PCDH9: variants seen among roughly 807,000 people sequenced by gnomAD.
PCDH9 encodes the protein protocadherin 9.
Under a neutral mutation model 70.6 loss-of-function variants are expected in PCDH9, and 24 were observed. That is an observed-to-expected ratio of 0.34 (90% CI 0.25 to 0.48). PCDH9 has a LOEUF of 0.48. Among genes scored for constraint, PCDH9 ranks in the 20% least tolerant of loss-of-function variants. The pLI, the probability that PCDH9 is intolerant of heterozygous loss-of-function variation, is 0.99. For synonymous variants in PCDH9, 562 were observed against 558.5 expected (o/e 1.01, Z -0.09); for missense variants, 1,281 against 1,503.6 (o/e 0.85, Z 2.45).
intron 4 of PCDH9, among the ~76,000 whole-genome samples, chr13:66,472,614 G>A (rs1454250845): frequency 1.3e-5 from 2 of 152,074 alleles, no homozygotes; most frequent in Admixed American, 6.6e-5. Context: ...TAACAGTGTT[G>A]TTCTTTCGAT....
intron 2 of PCDH9, among the ~76,000 whole-genome samples, chr13:66,984,006 CAACTA>C (rs553726026): frequency 2.3e-4 from 35 of 152,058 alleles, no homozygotes; most frequent in Non-Finnish European, 3.8e-4. Flanking sequence ...TAATAAATAA[CAACTA>C]AACATACAAG....
chr13:66,371,654 T>C (rs1956655993), intron 4 of PCDH9, among the ~76,000 whole-genome samples: 1 of 152,090 alleles, frequency 6.6e-6, no homozygotes, highest in South Asian at 2.1e-4. Context: ...AATAGAGATA[T>C]AACTTAAAGA....
At chr13:66,312,455 A>G (rs1275362616) in intron 4 of PCDH9, among the ~76,000 whole-genome samples, 2 of 152,086 alleles carry the variant, frequency 1.3e-5, no homozygotes, top group Non-Finnish European at 2.9e-5. Context: ...TACAAAAAAT[A>G]CAAATATTAG....
chr13:66,898,240 T>G (rs1032186094), intron 3 of PCDH9, among the ~76,000 whole-genome samples: 1 of 152,070 alleles, frequency 6.6e-6, no homozygotes, highest in African/African-American at 2.4e-5. Context: ...TTAGGAGTTA[T>G]TCCCCAAATA....
At chr13:66,390,019 G>A (rs1205879631) in intron 4 of PCDH9, among the ~76,000 whole-genome samples, 1 of 152,136 alleles carries the variant, frequency 6.6e-6, no homozygotes, top group Non-Finnish European at 1.5e-5. Flanking sequence ...GAGAGTGAGA[G>A]ACAAAGACAG....
chr13:67,174,966 A>G (rs1209091847), intron 2 of PCDH9, among the ~76,000 whole-genome samples: 1 of 14,282 alleles, frequency 7.0e-5, no homozygotes, highest in Non-Finnish European at 2.4e-4. Context: ...TCTCTACCAA[A>G]AAAAAAAAAA....
intron 3 of PCDH9, among the ~76,000 whole-genome samples, chr13:66,655,028 A>AT (rs1017551038): frequency 3.5e-4 from 53 of 149,488 alleles, no homozygotes; most frequent in African/African-American, 8.1e-4. Flanking sequence ...ACCCTGTGGC[A>AT]TTTTTTTTTT....
chr13:66,680,249 C>G (rs1438185409), intron 3 of PCDH9, among the ~76,000 whole-genome samples: 1 of 151,934 alleles, frequency 6.6e-6, no homozygotes, highest in African/African-American at 2.4e-5. Context: ...TATTTTGATG[C>G]TGATTCAGTG....
rs557436949 is a variant in PCDH9, at chr13:66,913,930, A to T, written c.3037-10325T>A. 2.0e-5 allele frequency among the ~76,000 whole-genome samples: 3 copies of T among 152,128 alleles called. No individual in the cohort carries two copies. In the South Asian group the frequency reaches 6.2e-4, roughly 32 times the overall value. On this transcript the variant is annotated intron_variant, in intron 2 of 4. Coordinates refer to ENST00000377865, the MANE Select transcript of PCDH9 (RefSeq NM_203487.3). ...TCACAAAGAGAAAAACACCATAATC[A>T]AAGGCCTGATGTTTGTTGACTCTAC... is the stretch of plus-strand genomic sequence containing the variant.
At chr13:66,649,217 G>C (rs923206776) in intron 3 of PCDH9, among the ~76,000 whole-genome samples, 2 of 151,986 alleles carry the variant, frequency 1.3e-5, no homozygotes, top group African/African-American at 4.8e-5. Flanking sequence ...TTATATCAGA[G>C]CACCAAGTAG....
chr13:66,796,248 C>T (rs2139329702), intron 3 of PCDH9, among the ~76,000 whole-genome samples: 1 of 152,224 alleles, frequency 6.6e-6, no homozygotes, highest in Non-Finnish European at 1.5e-5. Flanking sequence ...ATTCAGCCAG[C>T]TCCATTTATA....
chr13:66,517,028 G>C (rs1959769036), intron 4 of PCDH9, among the ~76,000 whole-genome samples: 2 of 152,000 alleles, frequency 1.3e-5, no homozygotes, highest in African/African-American at 4.8e-5. Context: ...TGGCAAGATT[G>C]AGTAATTGCC....
At chr13:67,055,569 T>C (rs974209034) in intron 2 of PCDH9, among the ~76,000 whole-genome samples, 2 of 152,030 alleles carry the variant, frequency 1.3e-5, no homozygotes, top group Admixed American at 6.6e-5. Flanking sequence ...CCCTGCACTT[T>C]GCGAGGCTGA....
intron 4 of PCDH9, among the ~76,000 whole-genome samples, chr13:66,335,483 C>T (rs1432257218): frequency 6.6e-6 from 1 of 152,110 alleles, no homozygotes; most frequent in Non-Finnish European, 1.5e-5. Flanking sequence ...TTTTGCAGTA[C>T]TTATATACCA....
intron 4 of PCDH9, among the ~76,000 whole-genome samples, chr13:66,566,613 C>T (rs1292100286): frequency 1.3e-5 from 2 of 152,156 alleles, no homozygotes. Flanking sequence ...ATATATTTTA[C>T]ATGCATTGCT....
At chr13:67,094,875 G>A (rs7983779) in intron 2 of PCDH9, among the ~76,000 whole-genome samples, 2 of 152,060 alleles carry the variant, frequency 1.3e-5, no homozygotes, top group African/African-American at 4.8e-5. Flanking sequence ...AGTGGACTTA[G>A]CAGTTTTTCT....
At chr13:67,079,230 C>T (rs1239789629) in intron 2 of PCDH9, among the ~76,000 whole-genome samples, 1 of 151,718 alleles carries the variant, frequency 6.6e-6, no homozygotes, top group African/African-American at 2.4e-5. Context: ...AAAAGCATGG[C>T]ATTCAGGATA....
intron 2 of PCDH9, among the ~76,000 whole-genome samples, chr13:67,092,171 G>C (rs937918851): frequency 6.6e-6 from 1 of 151,508 alleles, no homozygotes; most frequent in Non-Finnish European, 1.5e-5. Context: ...CATTTACTTG[G>C]GTTGTTCTTA....
At chr13:66,383,210 C>A (rs1956876520) in intron 4 of PCDH9, among the ~76,000 whole-genome samples, 2 of 152,242 alleles carry the variant, frequency 1.3e-5, no homozygotes, top group South Asian at 4.2e-4. Context: ...AAAGGAGATG[C>A]AATGAGCACA....
Sources: allele counts gnomAD v4.1 joint callset (sites outside exome capture counted in the v4.1 genomes callset), GRCh38; gene constraint gnomAD v4.1.1; transcripts MANE v1.5; gene names NCBI Gene and HGNC (gene_info 2026-07-23, HGNC 2026-07-21).